UST: variants seen among roughly 807,000 people sequenced by gnomAD.
UST encodes the protein chondroitin sulfate 2-O-sulfotransferase.
A neutral mutation model predicts 45.6 loss-of-function variants in UST; 21 were observed. That is an observed-to-expected ratio of 0.46 (90% CI 0.33 to 0.66). The LOEUF (loss-of-function observed/expected upper bound fraction) is 0.66. UST is among the 30% of genes least tolerant of loss of function. UST has a pLI of 0.02. For missense variants in UST, 463 were observed against 512.4 expected (o/e 0.90, Z 0.93); for synonymous variants, 215 against 200.6 (o/e 1.07, Z -0.61).
chr6:148,975,383 C>CA (rs961032404), intron 5 of UST, among the ~76,000 whole-genome samples: 4 of 152,232 alleles, frequency 2.6e-5, no homozygotes, highest in Admixed American at 1.3e-4. Flanking sequence ...TGTGGAGCTC[C>CA]AACGATGTTT....
intron 5 of UST, among the ~76,000 whole-genome samples, chr6:148,989,902 T>C (rs1192501887): frequency 1.3e-5 from 2 of 152,200 alleles, no homozygotes; most frequent in Non-Finnish European, 2.9e-5. Context: ...GTTCATTCCA[T>C]CCCTCCCCAT....
At chr6:148,867,644 C>CT (rs1778470580) in intron 1 of UST, among the ~76,000 whole-genome samples, 1 of 152,088 alleles carries the variant, frequency 6.6e-6, no homozygotes, top group Non-Finnish European at 1.5e-5. Context: ...AAACCCCTTT[C>CT]GCTTGGCTCT....
chr6:148,755,485 G>C (rs936774378), intron 1 of UST, among the ~76,000 whole-genome samples: 1 of 152,078 alleles, frequency 6.6e-6, no homozygotes, highest in Non-Finnish European at 1.5e-5. Context: ...CTCTGAAATG[G>C]TCTGCCTCTA....
intron 1 of UST, among the ~76,000 whole-genome samples, chr6:148,778,398 C>G (rs1582805742): frequency 6.6e-6 from 1 of 152,122 alleles, no homozygotes; most frequent in East Asian, 1.9e-4. Context: ...AGTGATTTGA[C>G]TAAAGGACTG....
At chr6:148,938,894 AGAAAG>A (rs1780070067) in intron 2 of UST, among the ~76,000 whole-genome samples, 1 of 151,924 alleles carries the variant, frequency 6.6e-6, no homozygotes, top group African/African-American at 2.4e-5. Flanking sequence ...GAAAGGAAAA[AGAAAG>A]GAAAGACATT....
intron 7 of UST, among the ~76,000 whole-genome samples, chr6:149,022,405 GCCTGGCCAACACGGAGAAAC>G: frequency 6.6e-6 from 1 of 152,044 alleles, no homozygotes. Context: ...TTCGAGACCA[GCCTGGCCAACACGGAGAAAC>G]CCTGTCTCTA....
intron 1 of UST, among the ~76,000 whole-genome samples, chr6:148,877,464 T>C (rs141166613): frequency 0.027 from 1,199 of 43,640 alleles, 82 homozygotes; most frequent in African/African-American, 0.086. Flanking sequence ...GGATCGTGTA[T>C]GAGTGTGGGG....
At chr6:148,903,323 A>G (rs550849516) in intron 2 of UST, among the ~76,000 whole-genome samples, 11 of 152,348 alleles carry the variant, frequency 7.2e-5, no homozygotes, top group Non-Finnish European at 5.9e-5. Flanking sequence ...GACAATAAAT[A>G]CATGTCAAAT....
intron 1 of UST, among the ~76,000 whole-genome samples, chr6:148,809,293 A>G (rs1210977018): frequency 6.6e-6 from 1 of 150,612 alleles, no homozygotes; most frequent in Non-Finnish European, 1.5e-5. Flanking sequence ...ACTAAACCAC[A>G]CGGAATTTCT....
intron 2 of UST, among the ~76,000 whole-genome samples, chr6:148,890,053 TCAG>T (rs1266575417): frequency 2.0e-5 from 3 of 152,232 alleles, no homozygotes; most frequent in Non-Finnish European, 4.4e-5. Flanking sequence ...TCTCTTTAAA[TCAG>T]CAGAAGTTTA....
At chr6:148,892,308 CT>C in intron 2 of UST, among the ~76,000 whole-genome samples, 1 of 152,244 alleles carries the variant, frequency 6.6e-6, no homozygotes, top group East Asian at 1.9e-4. Context: ...TGTCAGTTAT[CT>C]TCTTTTTGTC....
At chr6:148,808,000 C>T (rs1192435518) in intron 1 of UST, among the ~76,000 whole-genome samples, 1 of 152,158 alleles carries the variant, frequency 6.6e-6, no homozygotes, top group African/African-American at 2.4e-5. Flanking sequence ...TAACTGTAGG[C>T]CACGAACAGA....
At chr6:148,747,787 C>T in intron 1 of UST, 110 bp downstream of exon 1, 1 of 1,361,098 alleles carries the variant, frequency 7.3e-7, no homozygotes, top group Non-Finnish European at 9.6e-7. Flanking sequence ...CGCCGCCGCC[C>T]CGGGTCTCTC....
At chr6:148,912,479 G>A (rs1053344390) in intron 2 of UST, among the ~76,000 whole-genome samples, 1 of 152,240 alleles carries the variant, frequency 6.6e-6, no homozygotes, top group Non-Finnish European at 1.5e-5. Flanking sequence ...AGGCCTTGTT[G>A]TTAATCAATA....
At chr6:148,774,161 T>C (rs1402988750) in intron 1 of UST, among the ~76,000 whole-genome samples, 1 of 152,076 alleles carries the variant, frequency 6.6e-6, no homozygotes, top group Non-Finnish European at 1.5e-5. Flanking sequence ...TCCCCTCAGG[T>C]AGATCACCAA....
At chr6:148,917,053 G>T (rs183376092) in intron 2 of UST, among the ~76,000 whole-genome samples, 3 of 152,308 alleles carry the variant, frequency 2.0e-5, no homozygotes, top group Non-Finnish European at 2.9e-5. Context: ...GAGGAGAAAG[G>T]AGTGAAGAAA....
intron 2 of UST, among the ~76,000 whole-genome samples, chr6:148,889,316 TAG>T: frequency 6.6e-6 from 1 of 152,352 alleles, no homozygotes; most frequent in Admixed American, 6.5e-5. Context: ...GTTAATAGCC[TAG>T]AGAGAGTGAT....
At chr6:148,832,276 C>CAATTAAAACAATTT (rs1269103613) in intron 1 of UST, among the ~76,000 whole-genome samples, 2 of 152,182 alleles carry the variant, frequency 1.3e-5, no homozygotes, top group African/African-American at 4.8e-5. Context: ...GACTTTAAAC[C>CAATTAAAACAATTT]AAACACCGTA....
chr6:148,868,658 A>G (rs1778492155), intron 1 of UST, among the ~76,000 whole-genome samples: 2 of 152,172 alleles, frequency 1.3e-5, no homozygotes, highest in South Asian at 4.1e-4. Flanking sequence ...GAATCATACT[A>G]CAAGTGTAGG....
Sources: allele counts gnomAD v4.1 joint callset (sites outside exome capture counted in the v4.1 genomes callset), GRCh38; gene constraint gnomAD v4.1.1; transcripts MANE v1.5; gene names NCBI Gene and HGNC (gene_info 2026-07-23, HGNC 2026-07-21).